The following C5orf22 variants were observed in gnomAD, a reference collection of about 807,000 sequenced individuals.
C5orf22 encodes the protein UPF0489 protein C5orf22.
A neutral mutation model predicts 48.7 loss-of-function variants in C5orf22; 36 were observed. The ratio of observed to expected loss-of-function variants is 0.74; its 90% CI spans 0.57 to 0.98. C5orf22 has a LOEUF of 0.98. Ranked by LOEUF, C5orf22 falls within the 50% of genes least tolerant of loss-of-function variation. C5orf22 has a pLI of 0.00. For missense variants in C5orf22, 486 were observed against 521.9 expected (o/e 0.93, Z 0.67); for synonymous variants, 141 against 180.8 (o/e 0.78, Z 1.76).
chr5:31,542,833 C>T (rs1362604776), intron 6 of C5orf22, among the ~76,000 whole-genome samples: 1 of 152,196 alleles, frequency 6.6e-6, no homozygotes, highest in African/African-American at 2.4e-5. Flanking sequence ...AAACTAATCT[C>T]CCACGAACTG....
chr5:31,538,177 G>A (rs576779417), intron 3 of C5orf22, 83 bp from the exon 4 acceptor site: 54 of 1,028,882 alleles, frequency 5.2e-5, no homozygotes, highest in Non-Finnish European at 7.1e-5. Context: ...AAATAGGTCC[G>A]TTCTTATATT....
intron 3 of C5orf22, 155 bp from the exon 4 acceptor site, chr5:31,538,105 G>A (rs999088951): frequency 1.6e-6 from 1 of 623,872 alleles, no homozygotes; most frequent in Non-Finnish European, 2.9e-6. Context: ...AGAATTTGAG[G>A]AATGCTATTT....
At position 31,540,937 on chromosome 5, in the gene C5orf22, T is replaced by C; in HGVS notation, c.808-12T>C. The C allele has an allele frequency of 1.9e-6, 3 of 1,601,352 alleles. No homozygotes were observed. Among genetic ancestry groups the C allele is most frequent in the Non-Finnish European group, 2.6e-6 (3 of 1,174,286 alleles). On this transcript the variant is annotated splice_polypyrimidine_tract_variant and intron_variant, in intron 4 of 8. Transcript: ENST00000325366. ...TTTTTCTGGTATGTGGATTTTTTGT[T>C]TTGTTTTCCAGGAAGAGTACAAAAT...
chr5:31,543,112 C>T (rs954274912), intron 6 of C5orf22, among the ~76,000 whole-genome samples: 2 of 152,174 alleles, frequency 1.3e-5, no homozygotes, highest in Non-Finnish European at 2.9e-5. Flanking sequence ...CACGTATTAT[C>T]TATTCAAAAT....
chr5:31,541,055 T>C, intron 5 of C5orf22, 44 bp downstream of exon 5: 1 of 1,441,000 alleles, frequency 6.9e-7, no homozygotes, highest in Non-Finnish European at 9.7e-7. Context: ...ATTTATCATA[T>C]AACTAATAAT....
chr5:31,535,598 T>C, intron 2 of C5orf22, 146 bp from the exon 3 acceptor site: 1 of 565,104 alleles, frequency 1.8e-6, no homozygotes, highest in Non-Finnish European at 3.0e-6. Flanking sequence ...AATAGTTTTG[T>C]AATAGTGATG....
intron 7 of C5orf22, 138 bp from the exon 8 acceptor site, chr5:31,551,155 A>C: frequency 1.3e-6 from 1 of 766,484 alleles, no homozygotes; most frequent in Non-Finnish European, 2.1e-6. Flanking sequence ...TGCTATTATG[A>C]ATCACATGTA....
intron 4 of C5orf22, 103 bp from the exon 5 acceptor site, chr5:31,540,846 T>TTAA: frequency 1.3e-6 from 1 of 788,212 alleles, no homozygotes; most frequent in Non-Finnish European, 2.2e-6. Context: ...TTATCTAAGA[T>TTAA]GTTCTTGTAT....
intron 3 of C5orf22, among the ~76,000 whole-genome samples, chr5:31,537,785 G>A (rs972396597): frequency 7.9e-5 from 12 of 152,244 alleles, no homozygotes; most frequent in African/African-American, 2.7e-4. Flanking sequence ...GCTTAAACAA[G>A]AGAGTTTATT....
chr5:31,551,005 A>G (rs1743222849), intron 7 of C5orf22, among the ~76,000 whole-genome samples: 1 of 152,220 alleles, frequency 6.6e-6, no homozygotes, highest in Non-Finnish European at 1.5e-5. Flanking sequence ...AGTTCTACCA[A>G]CACTTCAGAG....
At position 31,554,144 on chromosome 5, in the gene C5orf22, C is replaced by T. The variant is rs1743455253; in HGVS notation, c.*1242C>T. On this transcript the variant is annotated 3_prime_UTR_variant, in exon 9 of 9. Transcript: ENST00000325366. ...CTTTAGTTCAGTAATTTTTACCTAC[C>T]TACTTGATTTATTTTCCTTTAAAAG... The T allele has an allele frequency of 6.6e-6, 1 of 152,064 alleles. No individual in the cohort carries two copies. Among genetic ancestry groups the T allele is most frequent in the Non-Finnish European group, 1.5e-5 (1 of 68,012 alleles). The allele number at this position is 152,064 out of a possible 1,614,324, so 9.4% of individuals were successfully genotyped here.
At position 31,554,589 on chromosome 5, in the gene C5orf22, G is replaced by T. The variant is rs549566161; in HGVS notation, c.*1687G>T. 1 of 152,196 alleles carries T rather than the reference G, an allele frequency of 6.6e-6. No individual in the cohort carries two copies. The highest frequency in any genetic ancestry group is 1.9e-4 in the East Asian group (1 of 5,180). The allele number at this position is 152,196 out of a possible 1,614,324, so 9.4% of individuals were successfully genotyped here. On this transcript the variant is annotated 3_prime_UTR_variant, in exon 9 of 9. Coordinates refer to ENST00000325366, the MANE Select transcript of C5orf22 (RefSeq NM_018356.3). ...GCTATTTTTAATTTTTAAAATTTTT[G>T]GTTAGAGCTTATAGACATTACTTTT...
In C5orf22 at chr5:31,532,303, C is replaced by T. The variant is rs941415538; in HGVS notation, c.-90C>T. 66 of 1,373,164 alleles carry T rather than the reference C, an allele frequency of 4.8e-5. No individual in the cohort carries two copies. The African/African-American group carries it at 5.3e-4, about 11-fold the overall frequency. The allele number at this position is 1,373,164 out of a possible 1,614,324, so 85.1% of individuals were successfully genotyped here. A position where few individuals can be genotyped will look rare whatever the true frequency, so the allele number is the denominator to read the frequency against. ...CAACCGGGTGAGGGAGCGCTTCCGC[C>T]CGGAGAGAGCTGGCCGGGATGAGGC... On this transcript the variant is annotated 5_prime_UTR_variant, in exon 1 of 9. Transcript: ENST00000325366.
chr5:31,544,538 C>T (rs550059071), intron 6 of C5orf22, among the ~76,000 whole-genome samples: 34 of 151,392 alleles, frequency 2.2e-4, no homozygotes, highest in African/African-American at 7.5e-4. Context: ...GAGCCGAGAT[C>T]GTGCCACTGC....
chr5:31,552,748 TTCTTTC>T lies in C5orf22; in HGVS notation c.1200-17_1200-12del, dbSNP rs759364999. The T allele has an allele frequency of 3.1e-6, 5 of 1,606,052 alleles. No homozygotes were observed. Among genetic ancestry groups the T allele is most frequent in the East Asian group, 4.5e-5 (2 of 44,776 alleles). On this transcript the variant is annotated intron_variant, in intron 8 of 8. Transcript: ENST00000325366. The stretch of plus-strand genomic sequence containing the variant: ...TGATTTTATCCTATGTGTATTTTTC[TTCTTTC>T]TCTTTCTGTTGGTTCTAGGTCAAGT...
chr5:31,547,905 C>A (rs988691621), intron 7 of C5orf22, among the ~76,000 whole-genome samples: 10 of 152,228 alleles, frequency 6.6e-5, no homozygotes, highest in African/African-American at 2.4e-4. Context: ...ATGCAAATTT[C>A]TGCAGCCAGC....
intron 7 of C5orf22, among the ~76,000 whole-genome samples, chr5:31,548,172 C>T (rs1278328425): frequency 6.6e-6 from 1 of 152,034 alleles, no homozygotes; most frequent in Non-Finnish European, 1.5e-5. Flanking sequence ...TGTGGCAGTG[C>T]ACACCTGTAA....
At position 31,538,314 on chromosome 5, in the gene C5orf22, C is replaced by T; in HGVS notation, c.432C>T (p.Asp144=). 2 of 1,613,814 alleles carry T rather than the reference C, an allele frequency of 1.2e-6. No homozygotes were observed. The highest frequency in any genetic ancestry group is 2.2e-5 in the South Asian group (2 of 91,058). Residue 144 remains aspartate, a synonymous_variant, in exon 4 of 9, where the codon GAC becomes GAT. Transcript: ENST00000325366. ...FLSDGLYVPE[D]QLENQKPLQL... ...GTGATGGTCTGTATGTACCTGAAGA[C>T]CAGCTAGAGAACCAAAAACCTTTAC... is the stretch of plus-strand genomic sequence containing the variant.
At chr5:31,540,788 T>C (rs1415725625) in intron 4 of C5orf22, 161 bp from the exon 5 acceptor site, 1 of 584,530 alleles carries the variant, frequency 1.7e-6, no homozygotes, top group Non-Finnish European at 3.1e-6. Context: ...ACAATAAAAA[T>C]CTAAAGTATA....
Sources: gnomAD v4.1 joint callset for allele counts (sites outside exome capture counted in the v4.1 genomes callset) on GRCh38, gnomAD v4.1.1 for gene constraint, MANE v1.5 for transcripts, NCBI Gene and HGNC (gene_info 2026-07-23, HGNC 2026-07-21) for gene names.